PREX1: variants seen among roughly 807,000 people sequenced by gnomAD.
PREX1 encodes the protein phosphatidylinositol 3,4,5-trisphosphate-dependent Rac exchanger 1 protein.
PREX1 carries 41 observed loss-of-function variants against 198.3 expected under a neutral mutation model. The observed-to-expected ratio is 0.21, with a 90% CI of 0.16 to 0.27. The LOEUF (loss-of-function observed/expected upper bound fraction) is 0.27, where lower values mean the gene tolerates loss of function less well. Ranked by LOEUF, PREX1 falls within the 10% of genes least tolerant of loss-of-function variation. The pLI, the probability that PREX1 is intolerant of heterozygous loss-of-function variation, is 1.00. For missense variants in PREX1, 1,620 were observed against 2,200.7 expected, an observed-to-expected ratio of 0.74 and a Z score of 5.28; for synonymous variants, 843 against 887.2, an observed-to-expected ratio of 0.95 and a Z score of 0.89.
At chr20:48,787,879 G>A (rs1226682597) in intron 1 of PREX1, among the ~76,000 whole-genome samples, 1 of 152,140 alleles carries the variant, frequency 6.6e-6, no homozygotes, top group Non-Finnish European at 1.5e-5. Flanking sequence ...CTGGAGGAGG[G>A]AAATATGGCT....
At chr20:48,643,612 G>A (rs2089430182) in intron 27 of PREX1, among the ~76,000 whole-genome samples, 1 of 152,166 alleles carries the variant, frequency 6.6e-6, no homozygotes, top group Non-Finnish European at 1.5e-5. Flanking sequence ...GCTGGCGAGG[G>A]TCATTTCTGG....
chr20:48,693,604 ATTAAT>A (rs1402194550), intron 7 of PREX1, among the ~76,000 whole-genome samples: 1 of 152,118 alleles, frequency 6.6e-6, no homozygotes, highest in Non-Finnish European at 1.5e-5. Flanking sequence ...ATTTTATTTT[ATTAAT>A]TTATTTTATT....
At chr20:48,797,488 A>G (rs1158682005) in intron 1 of PREX1, among the ~76,000 whole-genome samples, 1 of 151,914 alleles carries the variant, frequency 6.6e-6, no homozygotes, top group African/African-American at 2.4e-5. Flanking sequence ...TTGCAAGTTC[A>G]TGGGTATTAA....
chr20:48,656,365 C>T (rs2089543020), intron 18 of PREX1: 3 of 426,472 alleles, frequency 7.0e-6, no homozygotes, highest in Non-Finnish European at 9.5e-6. Context: ...CTTGCAGCCA[C>T]AGGACTTCGA....
chr20:48,742,049 G>C (rs73911667), intron 3 of PREX1, among the ~76,000 whole-genome samples: 2 of 152,152 alleles, frequency 1.3e-5, no homozygotes, highest in Admixed American at 6.5e-5. Context: ...TTGGCTCAGG[G>C]GAGAACCAAT....
rs1227748648 is a variant in PREX1, at chr20:48,625,902, C to T, written c.4963G>A (p.Val1655Met). 3 of 1,564,636 alleles carry T rather than the reference C, an allele frequency of 1.9e-6. No homozygotes were observed. Among genetic ancestry groups the T allele is most frequent in the African/African-American group, 2.8e-5 (2 of 71,448 alleles). ...PRLYRLCQPPVDGDL is the reference protein window; with the variant it reads ...PRLYRLCQPPMDGDL Reference sequence around the variant, plus strand: ...TTGGGTGTTCAGAGGTCCCCATCCACCGGCGGCTGGCAGAGGCGGTAGAGG... The same window carrying T: ...TTGGGTGTTCAGAGGTCCCCATCCATCGGCGGCTGGCAGAGGCGGTAGAGG... The change falls in exon 40 of 40, where the codon GTG becomes ATG. Residue 1655 changes from valine to methionine, a missense_variant. Physicochemically the swap from Val to Met is conservative, Grantham distance 21. Around this residue, in one of 7 missense-constraint regions of PREX1, gnomAD observed 476 missense variants for 603.4 expected, o/e 0.79. Transcript: ENST00000371941.
At chr20:48,863,944 TGATA>T in the PREX1 span, among the ~76,000 whole-genome samples, 1 of 152,234 alleles carries the variant, frequency 6.6e-6, no homozygotes. Context: ...TTTCATGGCT[TGATA>T]GATCTTTTTT....
intron 3 of PREX1, among the ~76,000 whole-genome samples, chr20:48,741,899 A>G (rs73911666): frequency 0.016 from 2,412 of 152,326 alleles, 58 homozygotes; most frequent in African/African-American, 0.055. Context: ...CCGTGTGGCT[A>G]GAGCCAGGGG....
intron 1 of PREX1, among the ~76,000 whole-genome samples, chr20:48,815,321 A>G (rs1470940516): frequency 1.3e-5 from 2 of 152,242 alleles, no homozygotes; most frequent in African/African-American, 4.8e-5. Context: ...ACCCAACGAC[A>G]GCAGAAGACA....
chr20:48,875,784 G>A, the PREX1 span, among the ~76,000 whole-genome samples: 2 of 152,100 alleles, frequency 1.3e-5, no homozygotes, highest in African/African-American at 4.8e-5. Context: ...CAGGTGAGCC[G>A]AACAAATAGG....
At chr20:48,852,224 G>A in the PREX1 span, among the ~76,000 whole-genome samples, 1 of 152,006 alleles carries the variant, frequency 6.6e-6, no homozygotes. Context: ...AAAGGTTAAG[G>A]ATATATTTAG....
At chr20:48,789,357 GTAA>G (rs1413476396) in intron 1 of PREX1, among the ~76,000 whole-genome samples, 1 of 152,220 alleles carries the variant, frequency 6.6e-6, no homozygotes, top group African/African-American at 2.4e-5. Context: ...GGTTTTCTGA[GTAA>G]TAATGATGGT....
chr20:48,747,453 C>T (rs1379494973), intron 2 of PREX1, among the ~76,000 whole-genome samples: 1 of 152,212 alleles, frequency 6.6e-6, no homozygotes, highest in South Asian at 2.1e-4. Flanking sequence ...CTGGAGGTGC[C>T]CGGCTCCCGG....
chr20:48,717,356 C>G (rs2089966723), intron 5 of PREX1, among the ~76,000 whole-genome samples: 2 of 152,194 alleles, frequency 1.3e-5, no homozygotes, highest in African/African-American at 2.4e-5. Context: ...TCCAGTCACA[C>G]AGGCCTGCCC....
At chr20:48,734,432 C>G (rs935128755) in intron 4 of PREX1, 114 bp downstream of exon 4, 1 of 909,502 alleles carries the variant, frequency 1.1e-6, no homozygotes. Context: ...AGGAGATTAC[C>G]CCAGCCAAGG....
intron 33 of PREX1, among the ~76,000 whole-genome samples, chr20:48,633,187 G>A (rs1377506241): frequency 2.0e-5 from 3 of 152,226 alleles, no homozygotes; most frequent in Non-Finnish European, 2.9e-5. Context: ...TCAGCCTGGA[G>A]ACAGGCAGCT....
intron 24 of PREX1, 51 bp from the exon 25 acceptor site, chr20:48,649,627 T>C (rs1276963472): frequency 6.6e-7 from 1 of 1,521,890 alleles, no homozygotes; most frequent in South Asian, 1.2e-5. Context: ...CAGCATCCAC[T>C]GGGCCTTTGG....
chr20:48,829,023 A>G (rs1427028454), upstream of PREX1, among the ~76,000 whole-genome samples: 1 of 152,176 alleles, frequency 6.6e-6, no homozygotes, highest in Non-Finnish European at 1.5e-5. Context: ...CAAGATCCTC[A>G]GTGTTTTCAT....
chr20:48,688,569 G>A, intron 10 of PREX1, 88 bp downstream of exon 10: 1 of 1,518,830 alleles, frequency 6.6e-7, no homozygotes, highest in South Asian at 1.2e-5. Context: ...CCTGGGCAGG[G>A]CCAGGCTGCA....
Sources: allele counts gnomAD v4.1 joint callset (sites outside exome capture counted in the v4.1 genomes callset), GRCh38; gene constraint gnomAD v4.1.1; regional missense constraint gnomAD v4.1.1; transcripts MANE v1.5; gene names NCBI Gene and HGNC (gene_info 2026-07-23, HGNC 2026-07-21).